The following ABCA13 variants were observed in gnomAD, a reference collection of about 807,000 sequenced individuals.
ABCA13 encodes ATP binding cassette subfamily A member 13, also known as ATP-binding cassette sub-family A member 13.
Under a neutral mutation model 478.7 loss-of-function variants are expected in ABCA13, and 476 were observed. The observed-to-expected ratio is 0.99, with a 90% CI of 0.92 to 1.07. The LOEUF is 1.07. Among genes scored for constraint, ABCA13 ranks in the 50% least tolerant of loss-of-function variants. The pLI, the probability that ABCA13 is intolerant of heterozygous loss-of-function variation, is 0.00. For missense variants in ABCA13, 6,060 were observed against 5,910.6 expected, an observed-to-expected ratio of 1.03 and a Z score of -0.83; for synonymous variants, 2,252 against 2,158.9, an observed-to-expected ratio of 1.04 and a Z score of -1.20.
In ABCA13 at chr7:48,616,605, G is replaced by T. The variant is rs115612351; in HGVS notation, c.14837+1228G>T. On this transcript the variant is annotated intron_variant, in intron 59 of 61. Transcript: ENST00000435803. ...AATCTGTGCCTACTTCGGAGTTTGG[G>T]TTCCCATAATGTGATATATGGGTTG... Among the ~76,000 whole-genome samples, 1,303 of 152,258 alleles carry T rather than the reference G, an allele frequency of 8.6e-3. 23 individuals are homozygous for T. The highest frequency in any genetic ancestry group is 0.03 in the African/African-American group (1,226 of 41,546).
chr7:48,630,079 ATC>A (rs1794041360), intron 59 of ABCA13, among the ~76,000 whole-genome samples: 1 of 151,906 alleles, frequency 6.6e-6, no homozygotes, highest in Non-Finnish European at 1.5e-5. Context: ...TGTTTTGAAA[ATC>A]TTTTTTGTTT....
At chr7:48,254,421 T>C (rs1267335068) in intron 15 of ABCA13, among the ~76,000 whole-genome samples, 1 of 152,074 alleles carries the variant, frequency 6.6e-6, no homozygotes, top group Admixed American at 6.6e-5. Context: ...ATACCACCAT[T>C]TGCAGCTAAT....
chr7:48,529,192 C>T (rs933649066), intron 55 of ABCA13, among the ~76,000 whole-genome samples: 3 of 152,202 alleles, frequency 2.0e-5, no homozygotes, highest in Non-Finnish European at 2.9e-5. Context: ...CTGCTCTAAA[C>T]CTCTCTGTGC....
Position 48,646,521 on chromosome 7 carries a change from A to ATT in ABCA13, c.*1011_*1012dup, listed in dbSNP as rs959912078. On this transcript the variant is annotated 3_prime_UTR_variant, in exon 62 of 62. Transcript: ENST00000435803. ...GCATAGTATGTAGTCTTTTTTATTTATTTATTTTTTTTTTTTGAGGCGGAG... is the reference window on the plus strand; with the variant it reads ...GCATAGTATGTAGTCTTTTTTATTTATTTTTATTTTTTTTTTTTGAGGCGGAG... The ATT allele has an allele frequency of 3.4e-5, 5 of 145,196 alleles. No homozygotes were observed. The South Asian group carries it at 6.6e-4, about 19-fold the overall frequency. 9.0% of individuals were successfully genotyped at this position (145,196 alleles called of 1,614,324 possible). A position where few individuals can be genotyped will look rare whatever the true frequency, so the allele number is the denominator to read the frequency against.
At chr7:48,626,479 C>T (rs1461983854) in intron 59 of ABCA13, 4 of 353,820 alleles carry the variant, frequency 1.1e-5, no homozygotes, top group Non-Finnish European at 1.6e-5. Context: ...ATCTTTGGGA[C>T]CAAATTATGG....
At chr7:48,198,440 C>G in intron 3 of ABCA13, 80 bp downstream of exon 3, 1 of 1,519,318 alleles carries the variant, frequency 6.6e-7, no homozygotes, top group Non-Finnish European at 8.9e-7. Context: ...TGTAAAGCCT[C>G]AATAATTTGG....
chr7:48,353,126 G>A (rs556440280), intron 31 of ABCA13, among the ~76,000 whole-genome samples: 13 of 151,882 alleles, frequency 8.6e-5, no homozygotes, highest in Admixed American at 3.9e-4. Context: ...GACTATGGTC[G>A]GACTGGGGCT....
At chr7:48,629,216 C>G (rs1225681731) in intron 59 of ABCA13, among the ~76,000 whole-genome samples, 2 of 152,154 alleles carry the variant, frequency 1.3e-5, no homozygotes, top group Non-Finnish European at 2.9e-5. Flanking sequence ...CTGGTGTACA[C>G]CGGCTTGCCA....
intron 50 of ABCA13, among the ~76,000 whole-genome samples, chr7:48,510,199 T>C (rs900805740): frequency 5.3e-5 from 8 of 152,092 alleles, no homozygotes; most frequent in Non-Finnish European, 7.4e-5. Flanking sequence ...ACTGGGTCTG[T>C]TGAAAGAATG....
At chr7:48,288,873 A>C (rs1412472984) in intron 20 of ABCA13, among the ~76,000 whole-genome samples, 1 of 152,178 alleles carries the variant, frequency 6.6e-6, no homozygotes, top group African/African-American at 2.4e-5. Context: ...TCCTAGAATT[A>C]AAGACCCCTG....
At chr7:48,574,463 G>A (rs1051229597) in intron 55 of ABCA13, among the ~76,000 whole-genome samples, 1 of 152,048 alleles carries the variant, frequency 6.6e-6, no homozygotes, top group East Asian at 1.9e-4. Context: ...AAATTTGATA[G>A]GTTTAGTTAC....
At chr7:48,313,821 A>T (rs1217008132) in intron 25 of ABCA13, among the ~76,000 whole-genome samples, 2 of 152,214 alleles carry the variant, frequency 1.3e-5, no homozygotes, top group Non-Finnish European at 2.9e-5. Flanking sequence ...GACAGAATGT[A>T]AGTCCATCAT....
At chr7:48,562,962 A>G (rs200486759) in intron 55 of ABCA13, among the ~76,000 whole-genome samples, 20,058 of 151,636 alleles carry the variant, frequency 0.13, 1,632 homozygotes, top group African/African-American at 0.21. Context: ...ATGTGTGTAT[A>G]TATATATATA....
chr7:48,439,486 C>T (rs569216371), intron 42 of ABCA13, among the ~76,000 whole-genome samples: 13 of 151,944 alleles, frequency 8.6e-5, no homozygotes, highest in East Asian at 7.7e-4. Context: ...TGCTAATAAC[C>T]GAAAGAGAAA....
chr7:48,436,451 T>G (rs1257273923), intron 42 of ABCA13, among the ~76,000 whole-genome samples: 2 of 151,818 alleles, frequency 1.3e-5, no homozygotes, highest in Non-Finnish European at 3.0e-5. Context: ...ATTCCGTTTA[T>G]CTTTTTTAAA....
chr7:48,483,050 A>G, intron 46 of ABCA13, 26 bp from the exon 47 acceptor site: 1 of 1,590,370 alleles, frequency 6.3e-7, no homozygotes, highest in Non-Finnish European at 8.6e-7. Context: ...TGGTTGAAGC[A>G]CTAACACAAT....
rs771179056 is a variant in ABCA13, at chr7:48,310,084, G to A, written c.9459G>A (p.Val3153=). ...TCTGTAGCCTGCCAGGGTCAAAAGT[G>A]TATTCTCTGATTGTGTTGCTGAGTC... ...EELCSLPGSK[V]YSLIVLLSRN... is the part of the protein sequence containing the mutation. Residue 3153 remains valine, a synonymous_variant, in exon 24 of 62, where the codon GTG becomes GTA. Transcript: ENST00000435803. 59 of 1,613,816 alleles carry A rather than the reference G, an allele frequency of 3.7e-5. No homozygotes were observed. Among genetic ancestry groups the A allele is most frequent in the Non-Finnish European group, 4.7e-5 (56 of 1,179,740 alleles).
chr7:48,572,372 A>G (rs1314217668), intron 55 of ABCA13, among the ~76,000 whole-genome samples: 1 of 152,108 alleles, frequency 6.6e-6, no homozygotes, highest in East Asian at 1.9e-4. Context: ...AGGCTGGAGT[A>G]CAGCAGCATG....
At chr7:48,332,856 G>A (rs1222226283) in intron 27 of ABCA13, among the ~76,000 whole-genome samples, 1 of 152,144 alleles carries the variant, frequency 6.6e-6, no homozygotes, top group Non-Finnish European at 1.5e-5. Flanking sequence ...TTCTCTGGCT[G>A]CTTTAAAGCT....
Sources: gnomAD v4.1 joint callset for allele counts (sites outside exome capture counted in the v4.1 genomes callset) on GRCh38, gnomAD v4.1.1 for gene constraint, MANE v1.5 for transcripts, NCBI Gene and HGNC (gene_info 2026-07-23, HGNC 2026-07-21) for gene names.